Variants in PRKCZ observed in about 807,000 individuals in gnomAD.
The protein encoded by PRKCZ is protein kinase C zeta type.
PRKCZ carries 33 observed loss-of-function variants against 79.5 expected under a neutral mutation model. The observed-to-expected ratio is 0.41, with a 90% CI of 0.31 to 0.55. The LOEUF is 0.55. Among genes scored for constraint, PRKCZ ranks in the 20% least tolerant of loss-of-function variants. The pLI, the probability that PRKCZ is intolerant of heterozygous loss-of-function variation, is 0.19. For synonymous variants in PRKCZ, 342 were observed against 320.9 expected (o/e 1.07, Z -0.70); for missense variants, 578 against 813.5 (o/e 0.71, Z 3.52).
At chr1:2,180,821 G>A (rs1686463007) in intron 16 of PRKCZ, among the ~76,000 whole-genome samples, 1 of 152,114 alleles carries the variant, frequency 6.6e-6, no homozygotes, top group African/African-American at 2.4e-5. Flanking sequence ...ACTACCTCCT[G>A]GGCCCAGCCC....
chr1:2,106,206 A>G (rs1433280966), intron 4 of PRKCZ, among the ~76,000 whole-genome samples: 1 of 152,244 alleles, frequency 6.6e-6, no homozygotes, highest in East Asian at 1.9e-4. Flanking sequence ...ACCCAGAGCC[A>G]GGGAAGGGAG....
intron 4 of PRKCZ, among the ~76,000 whole-genome samples, chr1:2,109,395 T>C (rs912208176): frequency 2.0e-4 from 31 of 152,208 alleles, no homozygotes; most frequent in African/African-American, 7.5e-4. Context: ...TTGACCTTGG[T>C]GGCCTCAGTT....
chr1:2,183,123 CAGA>C (rs534585417), intron 16 of PRKCZ, among the ~76,000 whole-genome samples: 7 of 152,282 alleles, frequency 4.6e-5, no homozygotes, highest in African/African-American at 1.4e-4. Context: ...CCCAGCTACT[CAGA>C]AGGCTGAGGC....
intron 4 of PRKCZ, among the ~76,000 whole-genome samples, chr1:2,087,901 A>G (rs1411066066): frequency 1.3e-5 from 2 of 152,200 alleles, no homozygotes; most frequent in African/African-American, 2.4e-5. Context: ...CAGGCAGGTC[A>G]CTGCCTGCAC....
At chr1:2,117,729 T>C (rs1671024339) in intron 4 of PRKCZ, among the ~76,000 whole-genome samples, 1 of 152,224 alleles carries the variant, frequency 6.6e-6, no homozygotes, top group Non-Finnish European at 1.5e-5. Flanking sequence ...ATTTTATTCC[T>C]AGTTGAAAGT....
intron 5 of PRKCZ, among the ~76,000 whole-genome samples, chr1:2,135,719 AGTGTT>A (rs1348861123): frequency 6.6e-6 from 1 of 152,200 alleles, no homozygotes; most frequent in African/African-American, 2.4e-5. Flanking sequence ...AGCCGCACAC[AGTGTT>A]GCCTAGTAGC....
At chr1:2,052,462 C>T (rs554846303) in intron 1 of PRKCZ, among the ~76,000 whole-genome samples, 90 of 150,874 alleles carry the variant, frequency 6.0e-4, no homozygotes, top group Non-Finnish European at 9.0e-4. Context: ...TGTTTTCCCT[C>T]CTCTTCCCGC....
At chr1:2,118,312 T>C (rs538686544) in intron 4 of PRKCZ, among the ~76,000 whole-genome samples, 54 of 148,134 alleles carry the variant, frequency 3.6e-4, no homozygotes, top group African/African-American at 1.2e-3. Flanking sequence ...TTCCTTTTGA[T>C]TGATGCTTTT....
At chr1:2,146,529 G>A (rs1381367022) in intron 7 of PRKCZ, among the ~76,000 whole-genome samples, 9 of 152,222 alleles carry the variant, frequency 5.9e-5, no homozygotes, top group South Asian at 2.1e-4. Context: ...CACACACAGC[G>A]TGGCAGTGGC....
chr1:2,054,968 A>G (rs1571076737), intron 1 of PRKCZ, among the ~76,000 whole-genome samples: 1 of 134,404 alleles, frequency 7.4e-6, no homozygotes, highest in Non-Finnish European at 1.6e-5. Context: ...TTTAATACGG[A>G]GTCTCTCTCT....
intron 4 of PRKCZ, chr1:2,071,332 AGT>A (rs1330099953): frequency 4.2e-6 from 2 of 470,902 alleles, no homozygotes; most frequent in Non-Finnish European, 8.5e-6. Context: ...GGCCCCACCG[AGT>A]GTGTTCCAGG....
intron 5 of PRKCZ, among the ~76,000 whole-genome samples, chr1:2,137,274 C>T (rs1016220288): frequency 1.4e-4 from 21 of 152,282 alleles, no homozygotes; most frequent in African/African-American, 3.4e-4. Flanking sequence ...CACCTGCTTC[C>T]GCCTGCTTTG....
intron 4 of PRKCZ, among the ~76,000 whole-genome samples, chr1:2,108,846 G>A (rs949096415): frequency 6.6e-6 from 1 of 152,210 alleles, no homozygotes; most frequent in Non-Finnish European, 1.5e-5. Flanking sequence ...CGGTCTGGAG[G>A]GTGCGAGTGC....
chr1:2,108,221 C>T (rs1205659098), intron 4 of PRKCZ, among the ~76,000 whole-genome samples: 4 of 152,256 alleles, frequency 2.6e-5, no homozygotes, highest in African/African-American at 9.6e-5. Context: ...GGTCCAAGCG[C>T]GTGGTGAGGC....
chr1:2,140,283 A>T (rs1484160609), intron 5 of PRKCZ, among the ~76,000 whole-genome samples: 1 of 152,248 alleles, frequency 6.6e-6, no homozygotes, highest in Non-Finnish European at 1.5e-5. Flanking sequence ...AGCTGGTAAA[A>T]GCCCAGACAG....
chr1:2,084,676 T>C (rs189433317), intron 4 of PRKCZ, among the ~76,000 whole-genome samples: 15 of 152,208 alleles, frequency 9.9e-5, no homozygotes, highest in Non-Finnish European at 2.1e-4. Context: ...CAGCATCGGG[T>C]CTGTGTGGCA....
intron 4 of PRKCZ, among the ~76,000 whole-genome samples, chr1:2,108,478 C>T (rs947981169): frequency 1.3e-5 from 2 of 152,232 alleles, no homozygotes; most frequent in South Asian, 4.1e-4. Context: ...CCGCTGTGTC[C>T]TCTCATGAGT....
chr1:2,120,147 C>T (rs1421924471), intron 4 of PRKCZ, among the ~76,000 whole-genome samples: 1 of 152,040 alleles, frequency 6.6e-6, no homozygotes, highest in Non-Finnish European at 1.5e-5. Flanking sequence ...TTCTCTGACT[C>T]CTGTTAAAAG....
At chr1:2,131,973 G>C (rs1055074070) in intron 4 of PRKCZ, among the ~76,000 whole-genome samples, 4 of 152,104 alleles carry the variant, frequency 2.6e-5, no homozygotes, top group Non-Finnish European at 4.4e-5. Flanking sequence ...CACCACACCC[G>C]ACTAATTTTT....
Sources: allele counts gnomAD v4.1 joint callset (sites outside exome capture counted in the v4.1 genomes callset), GRCh38; gene constraint gnomAD v4.1.1; transcripts MANE v1.5; gene names NCBI Gene and HGNC (gene_info 2026-07-23, HGNC 2026-07-21).